FOXP1: variants seen among roughly 807,000 people sequenced by gnomAD.
FOXP1 encodes forkhead box P1.
A neutral mutation model predicts 98.2 loss-of-function variants in FOXP1; 15 were observed. That is an observed-to-expected ratio of 0.15 (90% confidence interval 0.10 to 0.24). FOXP1 has a LOEUF of 0.24. Among genes scored for constraint, FOXP1 ranks in the 10% least tolerant of loss-of-function variants. FOXP1 has a pLI of 1.00. For synonymous variants in FOXP1, 371 were observed against 314.5 expected (o/e 1.18, Z -1.90); for missense variants, 633 against 848.5 (o/e 0.75, Z 3.15).
intron 5 of FOXP1, among the ~76,000 whole-genome samples, chr3:71,290,136 G>A (rs2072590979): frequency 6.6e-6 from 1 of 152,034 alleles, no homozygotes; most frequent in Admixed American, 6.5e-5. Context: ...CTACATTCCT[G>A]GTCTCCCTTG....
chr3:71,176,110 A>G (rs2061924842), intron 6 of FOXP1, among the ~76,000 whole-genome samples: 1 of 152,212 alleles, frequency 6.6e-6, no homozygotes, highest in Non-Finnish European at 1.5e-5. Context: ...TTTTATCCAA[A>G]TACATTTTTG....
At chr3:71,577,594 A>G (rs2047822966) in intron 2 of FOXP1, among the ~76,000 whole-genome samples, 1 of 152,160 alleles carries the variant, frequency 6.6e-6, no homozygotes, top group Non-Finnish European at 1.5e-5. Context: ...GAGAAGAGAA[A>G]TATGTTGAAA....
At chr3:71,044,719 C>T (rs905695347) in intron 10 of FOXP1, among the ~76,000 whole-genome samples, 4 of 151,464 alleles carry the variant, frequency 2.6e-5, no homozygotes, top group African/African-American at 9.7e-5. Context: ...GGACAACTGG[C>T]CCCTTCATTA....
At chr3:71,583,858 C>G (rs866903990), upstream of FOXP1, 341 of 985,812 alleles carry the variant, frequency 3.5e-4, no homozygotes, top group African/African-American at 5.5e-3. Context: ...CGGGGGCGCA[C>G]CCCGGCCCGA....
chr3:71,163,794 A>C (rs934253807), intron 6 of FOXP1, among the ~76,000 whole-genome samples: 1 of 152,144 alleles, frequency 6.6e-6, no homozygotes, highest in African/African-American at 2.4e-5. Context: ...CAGCCAAAAC[A>C]AACAGTTTCA....
intron 10 of FOXP1, among the ~76,000 whole-genome samples, chr3:71,046,663 T>C (rs1474112238): frequency 3.9e-5 from 6 of 152,212 alleles, no homozygotes; most frequent in African/African-American, 9.6e-5. Flanking sequence ...AAATGCTCAG[T>C]AAGTGAAAAG....
intron 7 of FOXP1, among the ~76,000 whole-genome samples, chr3:71,091,969 CTT>C (rs1396473205): frequency 6.6e-6 from 1 of 152,118 alleles, no homozygotes; most frequent in Admixed American, 6.5e-5. Context: ...AGGCAGATCA[CTT>C]GAGGTCAGGA....
At chr3:71,549,259 C>T (rs2045591853) in intron 2 of FOXP1, among the ~76,000 whole-genome samples, 1 of 152,190 alleles carries the variant, frequency 6.6e-6, no homozygotes, top group African/African-American at 2.4e-5. Flanking sequence ...TAACCTTCTC[C>T]CCTACCTAGT....
At chr3:71,388,171 G>A (rs550923688) in intron 3 of FOXP1, among the ~76,000 whole-genome samples, 13 of 151,790 alleles carry the variant, frequency 8.6e-5, no homozygotes, top group Admixed American at 5.9e-4. Flanking sequence ...TTTAACTGTC[G>A]GCCTTATTTA....
intron 6 of FOXP1, among the ~76,000 whole-genome samples, chr3:71,169,828 TAAC>T (rs1175287362): frequency 1.3e-5 from 2 of 149,278 alleles, no homozygotes; most frequent in African/African-American, 2.5e-5. Flanking sequence ...GTAATTCAAA[TAAC>T]AAGCTATTTA....
chr3:71,458,116 T>C (rs1271637312), intron 3 of FOXP1, among the ~76,000 whole-genome samples: 1 of 152,220 alleles, frequency 6.6e-6, no homozygotes, highest in East Asian at 1.9e-4. Flanking sequence ...GGGCTTGCTA[T>C]TACAATGCTA....
At position 71,365,702 on chromosome 3, in the gene FOXP1, C is replaced by T. The variant is rs116546619; in HGVS notation, c.-167-6458G>A. ...GCTTTCTTGGATTTAAAGGATGTTC[C>T]GGCTGGGTGCGGTGGCTCACGCCTA... On this transcript the variant is annotated intron_variant, in intron 3 of 20. Coordinates refer to ENST00000649528, the MANE Select transcript of FOXP1 (RefSeq NM_001349338.3). Among the ~76,000 whole-genome samples the T allele has an allele frequency of 4.0e-3, 604 of 152,190 alleles. 3 individuals are homozygous for T. Among genetic ancestry groups the T allele is most frequent in the African/African-American group, 0.014 (586 of 41,540 alleles).
At chr3:71,114,092 C>T (rs552391398) in intron 6 of FOXP1, among the ~76,000 whole-genome samples, 263 of 152,142 alleles carry the variant, frequency 1.7e-3, no homozygotes, top group African/African-American at 6.1e-3. Context: ...AAATTATTTG[C>T]GCATCAAAGA....
Position 70,970,797 on chromosome 3 carries a change from G to A in FOXP1, c.1661C>T (p.Ser554Phe). 2 of 1,612,564 alleles carry A rather than the reference G, an allele frequency of 1.2e-6. No homozygotes were observed. The highest frequency in any genetic ancestry group is 1.7e-6 in the Non-Finnish European group (2 of 1,178,538). ...GCTGCTCTGCATGTTTTTAATAAGG[G>A]AAGGGTTACTGTGTAAGAAAAACAT... ...RRPQKISGNP[S>F]LIKNMQSSHA... Residue 554 changes from serine to phenylalanine, a missense_variant, in exon 19 of 21, where the codon TCC becomes TTC. Around this residue, in one of 6 missense-constraint regions of FOXP1, gnomAD observed 150 missense variants for 163.7 expected, o/e 0.92. Transcript: ENST00000649528.
intron 11 of FOXP1, among the ~76,000 whole-genome samples, chr3:71,021,924 G>A (rs978776349): frequency 2.0e-5 from 3 of 151,856 alleles, no homozygotes; most frequent in Non-Finnish European, 4.4e-5. Flanking sequence ...CTTTCTTTAC[G>A]GTGTGCTTTA....
intron 17 of FOXP1, among the ~76,000 whole-genome samples, chr3:70,972,889 G>A (rs564681149): frequency 4.6e-5 from 7 of 152,088 alleles, no homozygotes; most frequent in Admixed American, 2.0e-4. Context: ...TGGCATTTTC[G>A]TCTAGTCTCT....
Position 70,957,563 on chromosome 3 carries a change from A to G in FOXP1, c.*1684T>C, listed in dbSNP as rs553416907. On this transcript the variant is annotated 3_prime_UTR_variant, in exon 21 of 21. Transcript: ENST00000649528. ...AAGAAAGAATATAAATTAAGCTTCG[A>G]AAGGCTCTCGAACTAAAAAAAACTA... 3.0e-5 allele frequency: 7 copies of G among 232,254 alleles called. No homozygotes were observed. Among genetic ancestry groups the G allele is most frequent in the Non-Finnish European group, 5.1e-5 (6 of 117,244 alleles). 14.4% of individuals were successfully genotyped at this position (232,254 alleles called of 1,614,324 possible).
intron 6 of FOXP1, among the ~76,000 whole-genome samples, chr3:71,123,634 A>G (rs1211917457): frequency 6.6e-6 from 1 of 152,198 alleles, no homozygotes; most frequent in Non-Finnish European, 1.5e-5. Flanking sequence ...CCTGTATCTT[A>G]CACTTCACCT....
intron 17 of FOXP1, among the ~76,000 whole-genome samples, chr3:70,973,163 T>C (rs2036650007): frequency 6.6e-6 from 1 of 152,208 alleles, no homozygotes; most frequent in Non-Finnish European, 1.5e-5. Flanking sequence ...CTATGAAGAA[T>C]TCTAAAGTGG....
Sources: allele counts gnomAD v4.1 joint callset (sites outside exome capture counted in the v4.1 genomes callset), GRCh38; gene constraint gnomAD v4.1.1; regional missense constraint gnomAD v4.1.1; transcripts MANE v1.5; gene names NCBI Gene and HGNC (gene_info 2026-07-23, HGNC 2026-07-21).